LSAMP: variants seen among roughly 807,000 people sequenced by gnomAD.
LSAMP encodes the protein limbic system-associated membrane protein.
A neutral mutation model predicts 38.6 loss-of-function variants in LSAMP; 7 were observed. The ratio of observed to expected loss-of-function variants is 0.18; its 90% CI spans 0.10 to 0.34. The LOEUF (loss-of-function observed/expected upper bound fraction) is 0.34. Ranked by LOEUF, LSAMP falls within the 10% of genes least tolerant of loss-of-function variation. The pLI, the probability that LSAMP is intolerant of heterozygous loss-of-function variation, is 1.00. For synonymous variants in LSAMP, 154 were observed against 166.8 expected, an observed-to-expected ratio of 0.92 and a Z score of 0.59; for missense variants, 313 against 420.0, an observed-to-expected ratio of 0.75 and a Z score of 2.23.
At position 115,812,410 on chromosome 3, in the gene LSAMP, G is replaced by A. The variant is rs540412703; in HGVS notation, c.920-1996C>T. Reference sequence around the variant, plus strand: ...GCATGAAAGCACCCGATTAGTAATTGTTGACCAGGTGCTTAAATTCAAGTG... The same window carrying A: ...GCATGAAAGCACCCGATTAGTAATTATTGACCAGGTGCTTAAATTCAAGTG... On this transcript the variant is annotated intron_variant, in intron 6 of 6. Transcript: ENST00000490035. 4.1e-4 allele frequency among the ~76,000 whole-genome samples: 62 copies of A among 152,254 alleles called. 1 individual carries two copies. In the South Asian group the frequency reaches 8.1e-3, roughly 20 times the overall value.
chr3:116,048,459 A>G (rs1407307716), intron 2 of LSAMP, among the ~76,000 whole-genome samples: 2 of 152,236 alleles, frequency 1.3e-5, no homozygotes, highest in East Asian at 3.8e-4. Context: ...TGCTTAAAGT[A>G]TCCACAAAAG....
intron 1 of LSAMP, among the ~76,000 whole-genome samples, chr3:116,270,762 A>G (rs539821146): frequency 1.6e-4 from 25 of 152,246 alleles, no homozygotes; most frequent in African/African-American, 6.0e-4. Flanking sequence ...ACAGAATGTC[A>G]CTTTATAGAA....
intron 1 of LSAMP, among the ~76,000 whole-genome samples, chr3:116,173,911 C>T (rs1710271599): frequency 6.6e-6 from 1 of 151,704 alleles, no homozygotes; most frequent in Non-Finnish European, 1.5e-5. Context: ...AATCTATTTC[C>T]TATCCCTTTT....
intron 1 of LSAMP, among the ~76,000 whole-genome samples, chr3:116,359,390 A>C (rs988121048): frequency 2.0e-5 from 3 of 152,206 alleles, no homozygotes; most frequent in African/African-American, 7.2e-5. Flanking sequence ...TCTCTCCAAC[A>C]AAGCAGTATG....
intron 1 of LSAMP, among the ~76,000 whole-genome samples, chr3:116,384,907 C>T (rs1260500666): frequency 6.6e-6 from 1 of 152,028 alleles, no homozygotes; most frequent in African/African-American, 2.4e-5. Context: ...TTACCTTTCA[C>T]TTTCAAAAGC....
At chr3:116,098,270 A>G (rs1203723590) in intron 1 of LSAMP, among the ~76,000 whole-genome samples, 4 of 151,980 alleles carry the variant, frequency 2.6e-5, no homozygotes, top group African/African-American at 4.8e-5. Flanking sequence ...AGGCCGAGGC[A>G]GGAGGATCAC....
rs375896322 is a variant in LSAMP, at chr3:116,166,830, A to G, written c.156-80274T>C. On this transcript the variant is annotated intron_variant, in intron 1 of 6. Coordinates refer to ENST00000490035, the MANE Select transcript of LSAMP (RefSeq NM_002338.5). ...GAGACGGAGTCTCACTCTGTCTGTC[A>G]CCCAGGCTGGAGTGCAGTGGCGCGA... Among the ~76,000 whole-genome samples, 76 of 128,594 alleles carry G rather than the reference A, an allele frequency of 5.9e-4. 1 individual carries two copies. The South Asian group carries it at 0.017, about 28-fold the overall frequency. The allele number at this position is 128,594 out of a possible 152,430, so 84.4% of individuals were successfully genotyped here. A position where few individuals can be genotyped will look rare whatever the true frequency, so the allele number is the denominator to read the frequency against.
chr3:116,249,322 C>T (rs2046647875), intron 1 of LSAMP, among the ~76,000 whole-genome samples: 1 of 151,924 alleles, frequency 6.6e-6, no homozygotes, highest in Non-Finnish European at 1.5e-5. Context: ...GATGACAAGA[C>T]AAGTTTTCTG....
chr3:116,049,360 A>C (rs1941350091), intron 2 of LSAMP, among the ~76,000 whole-genome samples: 1 of 152,178 alleles, frequency 6.6e-6, no homozygotes, highest in African/African-American at 2.4e-5. Context: ...CTACCTTCTT[A>C]AGTGTGCCAT....
At chr3:115,827,052 A>C (rs1934439381) in intron 6 of LSAMP, among the ~76,000 whole-genome samples, 1 of 152,018 alleles carries the variant, frequency 6.6e-6, no homozygotes, top group Non-Finnish European at 1.5e-5. Context: ...AAAATAAAAC[A>C]AATTTCCCAA....
chr3:115,833,344 C>A (rs1025139478), intron 6 of LSAMP, among the ~76,000 whole-genome samples: 5 of 143,116 alleles, frequency 3.5e-5, no homozygotes, highest in East Asian at 4.1e-4. Context: ...AAACAGATTT[C>A]ATTGTTTTAG....
intron 1 of LSAMP, among the ~76,000 whole-genome samples, chr3:116,396,171 T>C (rs185456444): frequency 1.3e-5 from 2 of 152,324 alleles, no homozygotes; most frequent in East Asian, 3.9e-4. Context: ...AAACAATGCA[T>C]TAATCTGTTA....
At chr3:115,865,503 T>TA (rs1171162503) in intron 3 of LSAMP, among the ~76,000 whole-genome samples, 1 of 152,180 alleles carries the variant, frequency 6.6e-6, no homozygotes, top group Non-Finnish European at 1.5e-5. Context: ...GCTTTCACTT[T>TA]AAAAAATTAC....
chr3:116,221,517 T>C (rs887714345), intron 1 of LSAMP, among the ~76,000 whole-genome samples: 2 of 152,158 alleles, frequency 1.3e-5, no homozygotes, highest in Non-Finnish European at 1.5e-5. Flanking sequence ...TAAAGTGAGA[T>C]AGATTGTCTA....
intron 1 of LSAMP, among the ~76,000 whole-genome samples, chr3:116,105,958 C>T (rs1024477109): frequency 1.3e-5 from 2 of 151,842 alleles, no homozygotes; most frequent in Non-Finnish European, 2.9e-5. Flanking sequence ...AGAGATTAAG[C>T]TGAAGGGAGG....
intron 2 of LSAMP, among the ~76,000 whole-genome samples, chr3:116,021,825 T>A (rs565571401): frequency 1.4e-4 from 21 of 152,076 alleles, no homozygotes; most frequent in African/African-American, 2.7e-4. Context: ...GTTTTTTTTT[T>A]AAATAAAAGG....
At chr3:116,028,502 T>C (rs1474110693) in intron 2 of LSAMP, among the ~76,000 whole-genome samples, 4 of 152,194 alleles carry the variant, frequency 2.6e-5, no homozygotes, top group Admixed American at 1.3e-4. Flanking sequence ...ATGACCAAAC[T>C]ATAACAAATT....
At chr3:116,019,946 G>C (rs533629338) in intron 2 of LSAMP, among the ~76,000 whole-genome samples, 1 of 152,158 alleles carries the variant, frequency 6.6e-6, no homozygotes, top group African/African-American at 2.4e-5. Context: ...TTAGATATTA[G>C]ACAGCATGCA....
intron 1 of LSAMP, among the ~76,000 whole-genome samples, chr3:116,268,960 CACACT>C (rs1322667550): frequency 6.6e-6 from 1 of 152,036 alleles, no homozygotes; most frequent in East Asian, 1.9e-4. Context: ...GCCCAGGTGC[CACACT>C]GACCCTGTTA....
Sources: gnomAD v4.1 joint callset for allele counts (sites outside exome capture counted in the v4.1 genomes callset) on GRCh38, gnomAD v4.1.1 for gene constraint, MANE v1.5 for transcripts, NCBI Gene and HGNC (gene_info 2026-07-23, HGNC 2026-07-21) for gene names.